Variants in ZFR observed in about 807,000 individuals in gnomAD.
The protein encoded by ZFR is zinc finger RNA binding protein, also known as zinc finger RNA-binding protein.
ZFR carries 19 observed loss-of-function variants against 130.7 expected under a neutral mutation model. The observed-to-expected ratio is 0.15, with a 90% CI of 0.10 to 0.21. The LOEUF (loss-of-function observed/expected upper bound fraction) is 0.21. Among genes scored for constraint, ZFR ranks in the 10% least tolerant of loss-of-function variants. ZFR has a pLI of 1.00. For synonymous variants in ZFR, 466 were observed against 456.9 expected, an observed-to-expected ratio of 1.02 and a Z score of -0.25; for missense variants, 872 against 1,321.5, an observed-to-expected ratio of 0.66 and a Z score of 5.27.
chr5:32,413,907 T>C (rs1753765766), intron 5 of ZFR, among the ~76,000 whole-genome samples: 1 of 152,220 alleles, frequency 6.6e-6, no homozygotes, highest in Non-Finnish European at 1.5e-5. Flanking sequence ...TCATTCATAC[T>C]GGTGAATGAT....
intron 3 of ZFR, 62 bp downstream of exon 3, chr5:32,419,759 A>G (rs1581709212): frequency 6.6e-7 from 1 of 1,524,270 alleles, no homozygotes; most frequent in Non-Finnish European, 8.8e-7. Context: ...AGGGCATTAC[A>G]TTATACACTG....
chr5:32,423,394 A>T (rs1753999244), intron 2 of ZFR, among the ~76,000 whole-genome samples: 1 of 147,016 alleles, frequency 6.8e-6, no homozygotes, highest in South Asian at 2.1e-4. Flanking sequence ...AAATCACCAC[A>T]TGTCTGAAGA....
At chr5:32,361,277 T>TA (rs1365464100) in intron 19 of ZFR, among the ~76,000 whole-genome samples, 5 of 152,248 alleles carry the variant, frequency 3.3e-5, no homozygotes, top group Admixed American at 3.3e-4. Context: ...TTTTGGCTCA[T>TA]ACACCTGCTT....
intron 17 of ZFR, among the ~76,000 whole-genome samples, chr5:32,373,594 C>T (rs1195164519): frequency 5.9e-5 from 9 of 151,852 alleles, no homozygotes; most frequent in Non-Finnish European, 1.3e-4. Context: ...TAACAGAAAA[C>T]CCCAAGGAAA....
At chr5:32,380,734 G>A (rs1040325614) in intron 15 of ZFR, among the ~76,000 whole-genome samples, 3 of 144,650 alleles carry the variant, frequency 2.1e-5, no homozygotes, top group Non-Finnish European at 4.5e-5. Context: ...CTGCAACCTC[G>A]GCCTCCTGGG....
At chr5:32,387,016 C>G (rs1214375151) in intron 14 of ZFR, among the ~76,000 whole-genome samples, 1 of 152,164 alleles carries the variant, frequency 6.6e-6, no homozygotes, top group South Asian at 2.1e-4. Flanking sequence ...ATTAGTTTTG[C>G]ATTGCCATGT....
intron 2 of ZFR, 87 bp downstream of exon 2, chr5:32,444,142 G>A (rs1185408339): frequency 4.8e-6 from 7 of 1,460,530 alleles, no homozygotes; most frequent in South Asian, 1.3e-5. Context: ...TGGGATGGCT[G>A]GGGACGGGCG....
intron 2 of ZFR, among the ~76,000 whole-genome samples, chr5:32,436,767 A>G (rs1208578533): frequency 2.0e-5 from 3 of 152,186 alleles, no homozygotes; most frequent in Admixed American, 6.5e-5. Flanking sequence ...AGTCACTGCC[A>G]GGTCCACCTT....
intron 2 of ZFR, among the ~76,000 whole-genome samples, chr5:32,432,251 A>C (rs569064435): frequency 6.6e-6 from 1 of 152,260 alleles, no homozygotes; most frequent in African/African-American, 2.4e-5. Flanking sequence ...TGTGCATCAA[A>C]GTTGAACAGT....
At chr5:32,417,866 G>C in intron 3 of ZFR, 74 bp from the exon 4 acceptor site, 2 of 1,433,556 alleles carry the variant, frequency 1.4e-6, no homozygotes, top group Non-Finnish European at 1.9e-6. Flanking sequence ...GTATAGAAGT[G>C]CAATAAAGGA....
chr5:32,379,074 T>G, intron 17 of ZFR, 41 bp downstream of exon 17: 2 of 1,426,640 alleles, frequency 1.4e-6, no homozygotes, highest in Non-Finnish European at 2.0e-6. Flanking sequence ...GCAGAATTAT[T>G]TCCTACATGT....
At position 32,380,089 on chromosome 5, in the gene ZFR, C is replaced by T. The variant is rs1260896724; in HGVS notation, c.2725G>A (p.Ala909Thr). The change falls in exon 16 of 20, where the codon GCT becomes ACT. Residue 909 changes from alanine to threonine, a missense_variant. Physicochemically the swap from Ala to Thr is moderately conservative, Grantham distance 58. Transcript: ENST00000265069. ...ATGTTCCGAACCTGGAACCACTTAG[C>T]GTGGCGTAGAGCAGCCAGAGCGTCA... ...CLDALAALRH[A>T]KWFQARANGL... 2.5e-6 allele frequency: 4 copies of T among 1,613,846 alleles called. No individual in the cohort carries two copies. The highest frequency in any genetic ancestry group is 3.4e-6 in the Non-Finnish European group (4 of 1,179,760).
intron 16 of ZFR, chr5:32,379,540 C>T: frequency 3.6e-6 from 1 of 278,454 alleles, no homozygotes; most frequent in Non-Finnish European, 6.9e-6. Flanking sequence ...AAGTAAAGAG[C>T]TAAAAAGTTT....
chr5:32,413,174 G>A (rs1225183440), intron 5 of ZFR, among the ~76,000 whole-genome samples: 2 of 150,180 alleles, frequency 1.3e-5, no homozygotes, highest in Non-Finnish European at 3.0e-5. Flanking sequence ...AGGCGACAGA[G>A]TGAGACTCTT....
At chr5:32,388,891 C>T (rs1426760911) in intron 12 of ZFR, among the ~76,000 whole-genome samples, 1 of 152,076 alleles carries the variant, frequency 6.6e-6, no homozygotes, top group African/African-American at 2.4e-5. Context: ...CCCACTTTGC[C>T]TCAAAACAAG....
intron 14 of ZFR, 84 bp from the exon 15 acceptor site, chr5:32,385,733 T>C (rs375907876): frequency 6.7e-7 from 1 of 1,495,690 alleles, no homozygotes; most frequent in Non-Finnish European, 9.2e-7. Flanking sequence ...TTTCACTCTC[T>C]TACTACCCTA....
chr5:32,444,376 A>C (rs1754554735), intron 1 of ZFR, 48 bp from the exon 2 acceptor site: 1 of 1,513,672 alleles, frequency 6.6e-7, no homozygotes. Context: ...CAAGAGACAC[A>C]GAGGAGCCGA....
intron 2 of ZFR, among the ~76,000 whole-genome samples, chr5:32,420,420 A>G (rs953874016): frequency 2.0e-5 from 3 of 152,224 alleles, no homozygotes; most frequent in African/African-American, 7.2e-5. Context: ...TATTAGGAAG[A>G]AAAGAAAAAA....
intron 4 of ZFR, among the ~76,000 whole-genome samples, chr5:32,416,595 CAA>C (rs1753830841): frequency 9.3e-6 from 1 of 107,482 alleles, no homozygotes; most frequent in African/African-American, 3.8e-5. Context: ...GCCTGGGCGA[CAA>C]GAGTGAAACT....
Sources: allele counts gnomAD v4.1 joint callset (sites outside exome capture counted in the v4.1 genomes callset), GRCh38; gene constraint gnomAD v4.1.1; transcripts MANE v1.5; gene names NCBI Gene and HGNC (gene_info 2026-07-23, HGNC 2026-07-21).